PTPRM: variants seen among roughly 807,000 people sequenced by gnomAD.
PTPRM encodes receptor-type tyrosine-protein phosphatase mu.
A neutral mutation model predicts 186.7 loss-of-function variants in PTPRM; 47 were observed. That is an observed-to-expected ratio of 0.25 (90% CI 0.20 to 0.32). PTPRM has a LOEUF of 0.32. Ranked by LOEUF, PTPRM falls within the 10% of genes least tolerant of loss-of-function variation. The pLI is 1.00. For missense variants in PTPRM, 1,494 were observed against 1,865.0 expected, an observed-to-expected ratio of 0.80 and a Z score of 3.66; for synonymous variants, 668 against 674.9, an observed-to-expected ratio of 0.99 and a Z score of 0.16.
At chr18:7,783,060 C>T (rs1164076317) in intron 2 of PTPRM, among the ~76,000 whole-genome samples, 2 of 152,100 alleles carry the variant, frequency 1.3e-5, no homozygotes, top group Non-Finnish European at 2.9e-5. Flanking sequence ...GCTTAAATTT[C>T]CCATAAAATT....
At chr18:8,348,228 G>A (rs56833614) in intron 23 of PTPRM, among the ~76,000 whole-genome samples, 3,650 of 152,372 alleles carry the variant, frequency 0.024, 140 homozygotes, top group African/African-American at 0.081. Flanking sequence ...ACTTGCTGCC[G>A]ATTCATTAAG....
At position 7,955,234 on chromosome 18, in the gene PTPRM, G is replaced by C; in HGVS notation, c.952G>C (p.Val318Leu). 1 of 1,614,176 alleles carries C rather than the reference G, an allele frequency of 6.2e-7. No individual in the cohort carries two copies. Reference protein sequence around the residue: ...NGDGPIVAREVEYCTASGSWN... With the variant: ...NGDGPIVARELEYCTASGSWN... ...GGATGGGCCCATTGTGGCCCGAGAGGTGGAGTACTGCACGGCCAGTGGGAG... is the reference window on the plus strand; with the variant it reads ...GGATGGGCCCATTGTGGCCCGAGAGCTGGAGTACTGCACGGCCAGTGGGAG... The change falls in exon 7 of 33, where the codon GTG becomes CTG. Residue 318 changes from valine (V) to leucine (L), a missense_variant. Physicochemically the swap from Val to Leu is conservative, Grantham distance 32. This residue lies in a region of PTPRM where 91 missense variants were observed against 169.3 expected (regional missense o/e 0.54). Transcript: ENST00000580170.
At chr18:7,745,708 C>T (rs1361708043) in intron 1 of PTPRM, among the ~76,000 whole-genome samples, 1 of 151,930 alleles carries the variant, frequency 6.6e-6, no homozygotes, top group Non-Finnish European at 1.5e-5. Flanking sequence ...GACCAGAAAC[C>T]AAGAGAAAAT....
chr18:8,085,265 C>G (rs549532751), intron 9 of PTPRM, among the ~76,000 whole-genome samples: 1 of 152,102 alleles, frequency 6.6e-6, no homozygotes, highest in East Asian at 1.9e-4. Context: ...AGGTAATGAT[C>G]CTAAGTCAAA....
intron 14 of PTPRM, among the ~76,000 whole-genome samples, chr18:8,198,231 C>T (rs987471668): frequency 1.3e-5 from 2 of 152,148 alleles, no homozygotes; most frequent in Non-Finnish European, 2.9e-5. Flanking sequence ...ACTGCAGCCT[C>T]GACTTCCCAG....
At chr18:7,745,025 T>C (rs950489361) in intron 1 of PTPRM, among the ~76,000 whole-genome samples, 2 of 152,138 alleles carry the variant, frequency 1.3e-5, no homozygotes, top group African/African-American at 4.8e-5. Context: ...CCTCTAACTT[T>C]TATTGAACTG....
chr18:8,225,555 C>G (rs1338220347), intron 14 of PTPRM, among the ~76,000 whole-genome samples: 2 of 152,160 alleles, frequency 1.3e-5, no homozygotes, highest in Non-Finnish European at 2.9e-5. Context: ...CACAATCTGA[C>G]CACAAGGGGA....
At chr18:8,090,914 A>G (rs1351236374) in intron 11 of PTPRM, among the ~76,000 whole-genome samples, 2 of 152,062 alleles carry the variant, frequency 1.3e-5, no homozygotes, top group African/African-American at 4.8e-5. Flanking sequence ...TTTTAAAATA[A>G]TTGCTCTTTG....
chr18:8,306,773 A>G (rs1281968516), intron 20 of PTPRM, among the ~76,000 whole-genome samples: 2 of 152,200 alleles, frequency 1.3e-5, no homozygotes, highest in South Asian at 2.1e-4. Context: ...AGGGCTTATC[A>G]TTGGACAATT....
intron 1 of PTPRM, among the ~76,000 whole-genome samples, chr18:7,571,031 C>T (rs773771662): frequency 4.6e-5 from 7 of 151,626 alleles, no homozygotes; most frequent in South Asian, 4.2e-4. Context: ...CTCCACCTCC[C>T]GGGTTCGAGC....
At position 7,713,787 on chromosome 18, in the gene PTPRM, A is replaced by G. The variant is rs927100067; in HGVS notation, c.74-60362A>G. Among the ~76,000 whole-genome samples the G allele has an allele frequency of 4.3e-4, 66 of 152,292 alleles. 1 individual carries two copies. The highest frequency in any genetic ancestry group is 1.5e-3 in the African/African-American group (63 of 41,574). On this transcript the variant is annotated intron_variant, in intron 1 of 32. Transcript: ENST00000580170. ...AAGATCAAAAGACACGAAGGGCATTACATAATGGTAAAGGTATCAATGCAA... is the reference window on the plus strand; with the variant it reads ...AAGATCAAAAGACACGAAGGGCATTGCATAATGGTAAAGGTATCAATGCAA...
intron 14 of PTPRM, among the ~76,000 whole-genome samples, chr18:8,153,813 G>A (rs968321158): frequency 3.9e-5 from 6 of 152,290 alleles, no homozygotes; most frequent in African/African-American, 1.4e-4. Context: ...TTGGTTAGAA[G>A]AACACTGAAC....
At chr18:7,761,561 C>A (rs1456062023) in intron 1 of PTPRM, among the ~76,000 whole-genome samples, 9 of 152,282 alleles carry the variant, frequency 5.9e-5, no homozygotes, top group African/African-American at 2.2e-4. Context: ...CATTTAGGTA[C>A]TGACTCTCTG....
In PTPRM at chr18:7,741,990, A is replaced by G. The variant is rs2040893059; in HGVS notation, c.74-32159A>G. Reference sequence around the variant, plus strand: ...TTCCATTCCTCCCAGTCCTGTAAAAAATATGACATCTATTAGAACCTAATT... The same window carrying G: ...TTCCATTCCTCCCAGTCCTGTAAAAGATATGACATCTATTAGAACCTAATT... On this transcript the variant is annotated intron_variant, in intron 1 of 32. Coordinates refer to ENST00000580170, the MANE Select transcript of PTPRM (RefSeq NM_001105244.2). 3 of 152,326 alleles carry G rather than the reference A, an allele frequency of 2.0e-5. No homozygotes were observed. The South Asian group carries it at 6.2e-4, about 32-fold the overall frequency. 9.4% of individuals were successfully genotyped at this position (152,326 alleles called of 1,614,324 possible).
At chr18:8,027,331 CT>C (rs1427417927) in intron 7 of PTPRM, among the ~76,000 whole-genome samples, 1 of 152,114 alleles carries the variant, frequency 6.6e-6, no homozygotes, top group Non-Finnish European at 1.5e-5. Context: ...TCAATTTTTA[CT>C]TAGTGAGATG....
intron 4 of PTPRM, among the ~76,000 whole-genome samples, chr18:7,923,382 C>T (rs2050980946): frequency 1.3e-5 from 2 of 152,092 alleles, no homozygotes; most frequent in African/African-American, 2.4e-5. Context: ...AGATGGAAGG[C>T]GGCGGGGGTT....
chr18:8,296,473 C>T lies in PTPRM; in HGVS notation c.2842+18C>T. 2 of 1,553,528 alleles carry T rather than the reference C, an allele frequency of 1.3e-6. No homozygotes were observed. The highest frequency in any genetic ancestry group is 1.7e-5 in the Admixed American group (1 of 59,890). ...CATTGCATGTAAGTGTCAACAGTGT[C>T]ATTGTGCTGTTGTAGAACTTCCTTT... On this transcript the variant is annotated intron_variant, in intron 20 of 32. Coordinates refer to ENST00000580170, the MANE Select transcript of PTPRM (RefSeq NM_001105244.2).
intron 3 of PTPRM, among the ~76,000 whole-genome samples, chr18:7,902,834 CTTT>C (rs34332223): frequency 0.014 from 1,866 of 130,064 alleles, 17 homozygotes; most frequent in South Asian, 0.036. Context: ...TCTTCTCTGC[CTTT>C]TTTTTTTTTT....
At chr18:7,970,652 T>C (rs2054459583) in intron 7 of PTPRM, among the ~76,000 whole-genome samples, 1 of 94,518 alleles carries the variant, frequency 1.1e-5, no homozygotes, top group Admixed American at 1.2e-4. Flanking sequence ...ACAATCATTC[T>C]TATACACCAA....
Sources: allele counts gnomAD v4.1 joint callset (sites outside exome capture counted in the v4.1 genomes callset), GRCh38; gene constraint gnomAD v4.1.1; regional missense constraint gnomAD v4.1.1; transcripts MANE v1.5; gene names NCBI Gene and HGNC (gene_info 2026-07-23, HGNC 2026-07-21).